The following TAF12 variants were observed in gnomAD, a reference collection of about 807,000 sequenced individuals.
TAF12 encodes the protein TATA-box binding protein associated factor 12.
In TAF12, 3 loss-of-function variants were observed where a neutral mutation model predicts 20.8. That is an observed-to-expected ratio of 0.14 (90% confidence interval 0.07 to 0.37). The LOEUF (loss-of-function observed/expected upper bound fraction) is 0.37. TAF12 is among the 10% of genes least tolerant of loss of function. TAF12 has a pLI of 1.00. For synonymous variants in TAF12, 69 were observed against 70.2 expected, an observed-to-expected ratio of 0.98 and a Z score of 0.09; for missense variants, 131 against 197.9, an observed-to-expected ratio of 0.66 and a Z score of 2.03.
At chr1:28,641,769 G>A (rs1668042048) in intron 1 of TAF12, among the ~76,000 whole-genome samples, 1 of 148,288 alleles carries the variant, frequency 6.7e-6, no homozygotes. Context: ...ACTTCAGACT[G>A]GGCGACAGAG....
upstream of TAF12, chr1:28,643,226 C>T (rs1003377357): frequency 1.8e-6 from 1 of 567,678 alleles, no homozygotes; most frequent in Non-Finnish European, 2.2e-6. Context: ...CACCCTGCAG[C>T]TTGCGCTTTT....
chr1:28,617,230 T>C (rs1205414968), intron 3 of TAF12, among the ~76,000 whole-genome samples: 2 of 152,152 alleles, frequency 1.3e-5, no homozygotes, highest in East Asian at 3.8e-4. Context: ...TTGAAAGTGA[T>C]TGCCTGTGAG....
chr1:28,639,151 T>C (rs1049787276), intron 1 of TAF12, among the ~76,000 whole-genome samples: 2 of 149,886 alleles, frequency 1.3e-5, no homozygotes, highest in African/African-American at 4.9e-5. Flanking sequence ...CTCGGCTCAC[T>C]GCAACTTCCA....
At chr1:28,628,019 C>G (rs1667477268) in intron 1 of TAF12, among the ~76,000 whole-genome samples, 1 of 151,900 alleles carries the variant, frequency 6.6e-6, no homozygotes, top group South Asian at 2.1e-4. Flanking sequence ...ATTGAGCATT[C>G]AAGATCTGTG....
intron 1 of TAF12, among the ~76,000 whole-genome samples, chr1:28,634,300 C>T (rs1667741240): frequency 6.6e-6 from 1 of 151,072 alleles, no homozygotes; most frequent in South Asian, 2.1e-4. Flanking sequence ...CCTGTAATCT[C>T]AGCTATTTAG....
intron 1 of TAF12, among the ~76,000 whole-genome samples, chr1:28,633,668 T>C (rs980271350): frequency 6.6e-5 from 10 of 151,518 alleles, no homozygotes; most frequent in African/African-American, 2.4e-4. Context: ...TCCCAGCACT[T>C]TGGGAGGCCG....
At chr1:28,643,720 T>C (rs1383100940), upstream of TAF12, among the ~76,000 whole-genome samples, 3 of 152,184 alleles carry the variant, frequency 2.0e-5, no homozygotes, top group Non-Finnish European at 4.4e-5. Context: ...GCCTGTCCTG[T>C]AGCATTCTCT....
chr1:28,614,932 A>G (rs1337687524), intron 3 of TAF12, among the ~76,000 whole-genome samples: 1 of 151,818 alleles, frequency 6.6e-6, no homozygotes. Context: ...TGGATGGCAA[A>G]ACCCTGTCTC....
chr1:28,630,266 A>G (rs1667571773), intron 1 of TAF12, among the ~76,000 whole-genome samples: 1 of 152,160 alleles, frequency 6.6e-6, no homozygotes, highest in Admixed American at 6.6e-5. Context: ...TTATACAAAA[A>G]TAAGTTCAGG....
chr1:28,605,145 C>G (rs533072195), intron 5 of TAF12, among the ~76,000 whole-genome samples: 1 of 152,108 alleles, frequency 6.6e-6, no homozygotes. Context: ...AACAGAGTTA[C>G]GAGAAAAAAC....
At chr1:28,632,779 T>C (rs905815838) in intron 1 of TAF12, among the ~76,000 whole-genome samples, 2 of 152,128 alleles carry the variant, frequency 1.3e-5, no homozygotes, top group Non-Finnish European at 2.9e-5. Flanking sequence ...ATCTTGAGTG[T>C]TGTAGTGCTT....
At chr1:28,634,310 G>A (rs1006606843) in intron 1 of TAF12, among the ~76,000 whole-genome samples, 4 of 151,518 alleles carry the variant, frequency 2.6e-5, no homozygotes, top group African/African-American at 9.7e-5. Context: ...CAGCTATTTA[G>A]GAGGCTGAGG....
chr1:28,620,109 C>CT (rs1667164591), intron 2 of TAF12, among the ~76,000 whole-genome samples: 1 of 151,722 alleles, frequency 6.6e-6, no homozygotes, highest in Non-Finnish European at 1.5e-5. Flanking sequence ...ACACATATAA[C>CT]TTTTGAAATA....
intron 1 of TAF12, among the ~76,000 whole-genome samples, chr1:28,637,068 T>C (rs575417039): frequency 1.3e-5 from 2 of 152,272 alleles, no homozygotes; most frequent in East Asian, 3.9e-4. Context: ...ATAAGTGTTC[T>C]GTATGACTTC....
chr1:28,647,630 C>T (rs1327687631), upstream of TAF12, among the ~76,000 whole-genome samples: 1 of 152,144 alleles, frequency 6.6e-6, no homozygotes, highest in Admixed American at 6.6e-5. Context: ...TCCCAGCACT[C>T]TGGGAGGCTG....
At chr1:28,614,219 A>G (rs762905369) in intron 3 of TAF12, among the ~76,000 whole-genome samples, 1 of 151,772 alleles carries the variant, frequency 6.6e-6, no homozygotes, top group Non-Finnish European at 1.5e-5. Flanking sequence ...GCCTGGCGAC[A>G]GAGCGAGACT....
chr1:28,637,590 G>A (rs995890435), intron 1 of TAF12, among the ~76,000 whole-genome samples: 18 of 151,304 alleles, frequency 1.2e-4, no homozygotes, highest in African/African-American at 4.1e-4. Context: ...GCTTGAACCC[G>A]TGAGGCGGAG....
At chr1:28,646,031 T>C (rs1668177681), upstream of TAF12, 1 of 151,022 alleles carries the variant, frequency 6.6e-6, no homozygotes, top group Non-Finnish European at 1.5e-5. Context: ...CCCAACACTT[T>C]GGGAGGCGCA....
intron 4 of TAF12, among the ~76,000 whole-genome samples, chr1:28,610,289 T>G (rs926626175): frequency 2.0e-5 from 3 of 152,010 alleles, no homozygotes; most frequent in Admixed American, 6.6e-5. Flanking sequence ...TAATTATGTA[T>G]GTATTTACTT....
Sources: allele counts gnomAD v4.1 joint callset (sites outside exome capture counted in the v4.1 genomes callset), GRCh38; gene constraint gnomAD v4.1.1; transcripts MANE v1.5; gene names NCBI Gene and HGNC (gene_info 2026-07-23, HGNC 2026-07-21).